Variants in SLC10A7 observed in about 807,000 individuals in gnomAD.
SLC10A7 encodes the protein solute carrier family 10 member 7.
A neutral mutation model predicts 43.2 loss-of-function variants in SLC10A7; 29 were observed. The ratio of observed to expected loss-of-function variants is 0.67; its 90% CI spans 0.50 to 0.92. The LOEUF is 0.92. Ranked by LOEUF, SLC10A7 falls within the 40% of genes least tolerant of loss-of-function variation. SLC10A7 has a pLI of 0.00. For missense variants in SLC10A7, 295 were observed against 403.2 expected (o/e 0.73, Z 2.30); for synonymous variants, 152 against 144.8 (o/e 1.05, Z -0.35).
chr4:146,286,187 G>A (rs1729917038), intron 9 of SLC10A7, among the ~76,000 whole-genome samples: 1 of 151,780 alleles, frequency 6.6e-6, no homozygotes. Context: ...AGTTTGGAGT[G>A]GTGAGAAGGA....
intron 4 of SLC10A7, among the ~76,000 whole-genome samples, chr4:146,491,946 G>A (rs1437314866): frequency 3.3e-5 from 5 of 152,086 alleles, no homozygotes; most frequent in East Asian, 1.9e-4. Context: ...GGCCGGGTGC[G>A]GTGGGTCACG....
chr4:146,521,878 C>T lies in SLC10A7; in HGVS notation c.-161G>A. 1 of 611,882 alleles carries T rather than the reference C, an allele frequency of 1.6e-6. No individual in the cohort carries two copies. Among genetic ancestry groups the T allele is most frequent in the Non-Finnish European group, 2.9e-6 (1 of 349,300 alleles). The allele number at this position is 611,882 out of a possible 1,614,324, so 37.9% of individuals were successfully genotyped here. A position where few individuals can be genotyped will look rare whatever the true frequency, so the allele number is the denominator to read the frequency against. On this transcript the variant is annotated 5_prime_UTR_variant, in exon 1 of 12. Transcript: ENST00000335472. ...TTGTAAAGTAAAGACCTGGGGGTTG[C>T]TCCGGCGGCTTTGAGGAGGGTTGGG...
chr4:146,354,118 T>G (rs1483061747), intron 5 of SLC10A7, among the ~76,000 whole-genome samples: 1 of 148,352 alleles, frequency 6.7e-6, no homozygotes, highest in East Asian at 2.0e-4. Context: ...GCAGACGACA[T>G]GATTGTTTAT....
chr4:146,486,255 C>G (rs1489478490), intron 4 of SLC10A7, among the ~76,000 whole-genome samples: 1 of 152,186 alleles, frequency 6.6e-6, no homozygotes, highest in Admixed American at 6.5e-5. Flanking sequence ...TAACCACATT[C>G]AACAGACTTT....
intron 5 of SLC10A7, among the ~76,000 whole-genome samples, chr4:146,367,346 A>G (rs943449044): frequency 3.9e-5 from 6 of 152,216 alleles, no homozygotes; most frequent in African/African-American, 7.2e-5. Context: ...TCAGTGTTCC[A>G]TACAAAAGCC....
intron 6 of SLC10A7, among the ~76,000 whole-genome samples, chr4:146,306,475 C>A (rs1423604578): frequency 6.6e-6 from 1 of 152,102 alleles, no homozygotes; most frequent in African/African-American, 2.4e-5. Context: ...AATCTCAGAT[C>A]CCGTAGAATT....
At chr4:146,304,231 G>T (rs924397155) in intron 7 of SLC10A7, among the ~76,000 whole-genome samples, 2 of 150,388 alleles carry the variant, frequency 1.3e-5, no homozygotes, top group African/African-American at 2.4e-5. Flanking sequence ...GGATTAAATT[G>T]TTTATCAATT....
chr4:146,280,376 T>C (rs1254674373), intron 10 of SLC10A7, among the ~76,000 whole-genome samples: 1 of 152,208 alleles, frequency 6.6e-6, no homozygotes, highest in East Asian at 1.9e-4. Flanking sequence ...GAAGTCCTCA[T>C]ACTCCTTGTG....
chr4:146,397,617 C>T (rs540803415), intron 5 of SLC10A7, among the ~76,000 whole-genome samples: 13 of 152,256 alleles, frequency 8.5e-5, no homozygotes, highest in East Asian at 3.9e-4. Context: ...TAATGTCACT[C>T]GTGAACTTTA....
rs1223439507 is a variant in SLC10A7, at chr4:146,351,647, TA to T, written c.436-25652del. The stretch of plus-strand genomic sequence containing the variant: ...GGGCAGCCAGAGAGGAAGGTCGGGT[TA>T]CCCTCAAAGGGAAGCCCATCAGACT... On this transcript the variant is annotated intron_variant, in intron 5 of 11. Transcript: ENST00000335472. Among the ~76,000 whole-genome samples, 17 of 152,142 alleles carry T rather than the reference TA, an allele frequency of 1.1e-4. No individual in the cohort carries two copies. In the South Asian group the frequency reaches 3.5e-3, roughly 32 times the overall value.
intron 2 of SLC10A7, chr4:146,514,161 T>A (rs1443018915): frequency 6.6e-6 from 1 of 152,192 alleles, no homozygotes; most frequent in Non-Finnish European, 1.5e-5. Flanking sequence ...ACAGCACACA[T>A]CTAAAGTTTA....
intron 5 of SLC10A7, among the ~76,000 whole-genome samples, chr4:146,350,352 T>C (rs1233949900): frequency 4.0e-5 from 6 of 150,538 alleles, no homozygotes; most frequent in Admixed American, 4.0e-4. Flanking sequence ...ACCACGAGAC[T>C]ATATCCCACA....
chr4:146,479,751 A>T (rs1244811432), intron 4 of SLC10A7, among the ~76,000 whole-genome samples: 3 of 152,214 alleles, frequency 2.0e-5, no homozygotes, highest in African/African-American at 7.2e-5. Flanking sequence ...GTATACTTAA[A>T]AATTATTTTA....
At chr4:146,455,983 G>C (rs1309118749) in intron 4 of SLC10A7, among the ~76,000 whole-genome samples, 4 of 151,830 alleles carry the variant, frequency 2.6e-5, no homozygotes, top group Non-Finnish European at 4.4e-5. Flanking sequence ...AGGATAAAGA[G>C]AGAACACCAA....
intron 5 of SLC10A7, among the ~76,000 whole-genome samples, chr4:146,346,702 A>C (rs1340548129): frequency 6.6e-6 from 1 of 152,130 alleles, no homozygotes; most frequent in Non-Finnish European, 1.5e-5. Context: ...ATTGTAATCT[A>C]TTTTTTCTAT....
At chr4:146,276,896 G>C (rs1164434386) in intron 10 of SLC10A7, among the ~76,000 whole-genome samples, 1 of 152,036 alleles carries the variant, frequency 6.6e-6, no homozygotes, top group East Asian at 1.9e-4. Flanking sequence ...GGAGGCTGCA[G>C]TGAGCTATGA....
At chr4:146,315,911 T>A (rs921900575) in intron 6 of SLC10A7, among the ~76,000 whole-genome samples, 1 of 152,168 alleles carries the variant, frequency 6.6e-6, no homozygotes, top group African/African-American at 2.4e-5. Flanking sequence ...ATCATTCTAA[T>A]CATTCATTAC....
chr4:146,346,672 G>A (rs1054110589), intron 5 of SLC10A7, among the ~76,000 whole-genome samples: 1 of 151,962 alleles, frequency 6.6e-6, no homozygotes, highest in Non-Finnish European at 1.5e-5. Flanking sequence ...AGTTTCATGA[G>A]TATTTAAATG....
At chr4:146,416,643 T>C (rs1728585086) in intron 5 of SLC10A7, among the ~76,000 whole-genome samples, 1 of 152,042 alleles carries the variant, frequency 6.6e-6, no homozygotes, top group Non-Finnish European at 1.5e-5. Flanking sequence ...CAGGAGAGTA[T>C]TCAGAAAGAG....
Sources: gnomAD v4.1 joint callset for allele counts (sites outside exome capture counted in the v4.1 genomes callset) on GRCh38, gnomAD v4.1.1 for gene constraint, MANE v1.5 for transcripts, NCBI Gene and HGNC (gene_info 2026-07-23, HGNC 2026-07-21) for gene names.